The following RPS6KA5 variants were observed in gnomAD, a reference collection of about 807,000 sequenced individuals.
RPS6KA5 encodes ribosomal protein S6 kinase A5, also known as ribosomal protein S6 kinase alpha-5.
A neutral mutation model predicts 85.5 loss-of-function variants in RPS6KA5; 27 were observed. The observed-to-expected ratio is 0.32, with a 90% CI of 0.23 to 0.44. The LOEUF (loss-of-function observed/expected upper bound fraction) is 0.44, where lower values mean the gene tolerates loss of function less well. Among genes scored for constraint, RPS6KA5 ranks in the 20% least tolerant of loss-of-function variants. The pLI is 1.00. For synonymous variants in RPS6KA5, 334 were observed against 348.2 expected (o/e 0.96, Z 0.46); for missense variants, 811 against 980.9 (o/e 0.83, Z 2.31).
In RPS6KA5 at chr14:90,867,883, G is replaced by C. The variant is rs974840639; in HGVS notation, c.*4191C>G. ...GGGTGGACAACAGCCTTGTGTAGGG[G>C]AAGCATTTGGAATGGTAATCAACTA... On this transcript the variant is annotated 3_prime_UTR_variant, in exon 17 of 17. Transcript: ENST00000614987. The C allele has an allele frequency of 2.0e-5, 3 of 152,152 alleles. No individual in the cohort carries two copies. The highest frequency in any genetic ancestry group is 2.9e-5 in the Non-Finnish European group (2 of 68,018). The allele number at this position is 152,152 out of a possible 1,614,324, so 9.4% of individuals were successfully genotyped here.
Position 90,900,402 on chromosome 14 carries a change from A to G in RPS6KA5, c.1246-161T>C, listed in dbSNP as rs150309539. On this transcript the variant is annotated intron_variant, in intron 10 of 16. Transcript: ENST00000614987. ...TTATAGGTAACTTCTATTTTCATCT[A>G]AATAATTATTTAAGATACATAATTC... Among the ~76,000 whole-genome samples the G allele has an allele frequency of 4.0e-3, 613 of 152,318 alleles. 8 individuals are homozygous for G. Among genetic ancestry groups the G allele is most frequent in the African/African-American group, 0.014 (572 of 41,574 alleles).
At chr14:90,998,299 T>C (rs922580149) in intron 2 of RPS6KA5, among the ~76,000 whole-genome samples, 1 of 152,218 alleles carries the variant, frequency 6.6e-6, no homozygotes, top group Admixed American at 6.5e-5. Context: ...ATAAAATTGC[T>C]GCACAACTTT....
chr14:90,957,261 C>T (rs1426060627), intron 3 of RPS6KA5, among the ~76,000 whole-genome samples: 1 of 152,128 alleles, frequency 6.6e-6, no homozygotes, highest in African/African-American at 2.4e-5. Context: ...GACAGGGTTT[C>T]GCCATGTTGG....
chr14:90,990,307 G>A (rs550137039), intron 2 of RPS6KA5, among the ~76,000 whole-genome samples: 4 of 152,016 alleles, frequency 2.6e-5, no homozygotes, highest in Non-Finnish European at 4.4e-5. Context: ...TCAGAGAAAC[G>A]CAAATAAAAA....
chr14:90,962,120 A>C (rs1009489304), intron 3 of RPS6KA5, among the ~76,000 whole-genome samples: 2 of 152,214 alleles, frequency 1.3e-5, no homozygotes, highest in Non-Finnish European at 2.9e-5. Context: ...CTATAAACAC[A>C]GATTACACTG....
rs544433254 is a variant in RPS6KA5, at chr14:90,910,112, G to A, written c.807-3813C>T. ...TTATTTAAAAAAAAATGACCAGATC[G>A]CATAGCAAAAGGCCACAAATGTTGG... On this transcript the variant is annotated intron_variant, in intron 7 of 16. Transcript: ENST00000614987. Among the ~76,000 whole-genome samples, 67 of 152,088 alleles carry A rather than the reference G, an allele frequency of 4.4e-4. 1 individual carries two copies. Among genetic ancestry groups the A allele is most frequent in the Middle Eastern group, 3.4e-3 (1 of 294 alleles).
At position 90,858,048 on chromosome 14, in the gene RPS6KA5, C is replaced by T. The variant is rs1317418748; in HGVS notation, c.*14026G>A. On this transcript the variant is annotated 3_prime_UTR_variant, in exon 17 of 17. Coordinates refer to ENST00000614987, the MANE Select transcript of RPS6KA5 (RefSeq NM_004755.4). ...AAAAATGATTACCACCAGATTTTTGCTTTTGGCCACAATAGAGTAGCTTGT... is the reference window on the plus strand; with the variant it reads ...AAAAATGATTACCACCAGATTTTTGTTTTTGGCCACAATAGAGTAGCTTGT... 2.6e-5 allele frequency: 4 copies of T among 152,106 alleles called. No individual in the cohort carries two copies. The highest frequency in any genetic ancestry group is 9.7e-5 in the African/African-American group (4 of 41,406). 9.4% of individuals were successfully genotyped at this position (152,106 alleles called of 1,614,324 possible).
At chr14:91,042,611 A>G (rs576535153) in intron 1 of RPS6KA5, among the ~76,000 whole-genome samples, 1 of 152,284 alleles carries the variant, frequency 6.6e-6, no homozygotes, top group South Asian at 2.1e-4. Context: ...TCATAATTTG[A>G]GAAGAAAAAG....
At chr14:91,020,864 T>C (rs1213437033) in intron 1 of RPS6KA5, among the ~76,000 whole-genome samples, 3 of 152,134 alleles carry the variant, frequency 2.0e-5, no homozygotes. Flanking sequence ...TTGAGGAATA[T>C]TGTTTTTTAT....
intron 13 of RPS6KA5, among the ~76,000 whole-genome samples, chr14:90,891,797 C>T (rs902342629): frequency 1.3e-5 from 2 of 152,120 alleles, no homozygotes; most frequent in East Asian, 1.9e-4. Flanking sequence ...ACTGAAGCCA[C>T]GGCTGGGGTT....
intron 5 of RPS6KA5, among the ~76,000 whole-genome samples, chr14:90,942,337 C>T (rs960594790): frequency 6.6e-6 from 1 of 152,032 alleles, no homozygotes; most frequent in African/African-American, 2.4e-5. Context: ...ATTTCATATT[C>T]TATACCAACA....
intron 5 of RPS6KA5, 125 bp downstream of exon 5, chr14:90,942,953 T>C (rs1387740575): frequency 9.0e-6 from 6 of 668,238 alleles, no homozygotes; most frequent in South Asian, 1.8e-5. Context: ...ACATTTTCCA[T>C]GGACAAATCT....
chr14:90,972,538 A>T lies in RPS6KA5; in HGVS notation c.394+5768T>A, dbSNP rs2039371620. ...GGACTTTTAACTAAACAGTGTTGGGAAAATTAGCTATTTGAAAAAGATTAA... is the reference window on the plus strand; with the variant it reads ...GGACTTTTAACTAAACAGTGTTGGGTAAATTAGCTATTTGAAAAAGATTAA... On this transcript the variant is annotated intron_variant, in intron 3 of 16. Coordinates refer to ENST00000614987, the MANE Select transcript of RPS6KA5 (RefSeq NM_004755.4). Among the ~76,000 whole-genome samples, 3 of 152,234 alleles carry T rather than the reference A, an allele frequency of 2.0e-5. No individual in the cohort carries two copies. In the South Asian group the frequency reaches 6.2e-4, roughly 31 times the overall value.
chr14:90,978,240 T>C, intron 3 of RPS6KA5, 66 bp downstream of exon 3: 1 of 1,210,380 alleles, frequency 8.3e-7, no homozygotes, highest in Non-Finnish European at 1.2e-6. Context: ...GCCCTTTAAG[T>C]ACATTATAAC....
chr14:90,986,317 T>C (rs377273392), intron 2 of RPS6KA5, among the ~76,000 whole-genome samples: 3 of 152,220 alleles, frequency 2.0e-5, no homozygotes, highest in East Asian at 3.8e-4. Flanking sequence ...AAGAATCATA[T>C]TAATCACTCC....
chr14:90,941,174 A>G (rs1293020077), intron 5 of RPS6KA5, among the ~76,000 whole-genome samples: 1 of 152,222 alleles, frequency 6.6e-6, no homozygotes, highest in African/African-American at 2.4e-5. Flanking sequence ...TAAAATAGAT[A>G]GCATTATAGA....
chr14:90,889,217 C>T (rs770595036), intron 14 of RPS6KA5, among the ~76,000 whole-genome samples: 1 of 147,812 alleles, frequency 6.8e-6, no homozygotes, highest in South Asian at 2.1e-4. Context: ...TCGCTTGAAT[C>T]CGGGAGGCGG....
At chr14:90,952,456 A>C (rs2038249752) in intron 3 of RPS6KA5, among the ~76,000 whole-genome samples, 1 of 152,250 alleles carries the variant, frequency 6.6e-6, no homozygotes, top group Non-Finnish European at 1.5e-5. Flanking sequence ...TTTTCACTTT[A>C]ATCACTGTGA....
intron 13 of RPS6KA5, chr14:90,894,128 T>C (rs566079813): frequency 9.5e-7 from 1 of 1,047,738 alleles, no homozygotes; most frequent in African/African-American, 1.7e-5. Context: ...TCCATTGCTA[T>C]TTTTAGTCCA....
Sources: allele counts gnomAD v4.1 joint callset (sites outside exome capture counted in the v4.1 genomes callset), GRCh38; gene constraint gnomAD v4.1.1; transcripts MANE v1.5; gene names NCBI Gene and HGNC (gene_info 2026-07-23, HGNC 2026-07-21).